The following NRXN3 variants were observed in gnomAD, a reference collection of about 807,000 sequenced individuals.
NRXN3 encodes neurexin 3, also known as neurexin III.
Under a neutral mutation model 137.6 loss-of-function variants are expected in NRXN3, and 32 were observed. The ratio of observed to expected loss-of-function variants is 0.23; its 90% CI spans 0.18 to 0.31. The LOEUF (loss-of-function observed/expected upper bound fraction) is 0.31, where lower values mean the gene tolerates loss of function less well. NRXN3 is among the 10% of genes least tolerant of loss of function. The pLI, the probability that NRXN3 is intolerant of heterozygous loss-of-function variation, is 1.00. For missense variants in NRXN3, 1,574 were observed against 2,062.5 expected, an observed-to-expected ratio of 0.76 and a Z score of 4.59; for synonymous variants, 798 against 784.5, an observed-to-expected ratio of 1.02 and a Z score of -0.29.
At chr14:78,575,363 G>A (rs1600716331) in intron 4 of NRXN3, among the ~76,000 whole-genome samples, 1 of 152,084 alleles carries the variant, frequency 6.6e-6, no homozygotes. Context: ...ATCTGAAAGG[G>A]GTGACCAAAA....
intron 2 of NRXN3, among the ~76,000 whole-genome samples, chr14:78,249,110 C>G (rs2068180021): frequency 6.6e-6 from 1 of 152,216 alleles, no homozygotes; most frequent in Non-Finnish European, 1.5e-5. Flanking sequence ...AAATCTCCCC[C>G]CTCCCCTAAC....
At chr14:79,437,004 A>G (rs1217148105) in intron 15 of NRXN3, among the ~76,000 whole-genome samples, 2 of 152,090 alleles carry the variant, frequency 1.3e-5, no homozygotes, top group South Asian at 2.1e-4. Flanking sequence ...CCCCCTGTGT[A>G]AAAACCTTTT....
intron 20 of NRXN3, among the ~76,000 whole-genome samples, chr14:79,822,634 G>A (rs937065193): frequency 6.6e-6 from 1 of 151,962 alleles, no homozygotes; most frequent in Admixed American, 6.6e-5. Context: ...AAGACTGAAG[G>A]CCTTTTTACA....
At chr14:79,032,393 C>A (rs2099609644) in intron 15 of NRXN3, among the ~76,000 whole-genome samples, 1 of 152,110 alleles carries the variant, frequency 6.6e-6, no homozygotes, top group South Asian at 2.1e-4. Context: ...AAGCTCTCAG[C>A]TGATTAGGAA....
chr14:79,597,471 T>G (rs1371380164), intron 16 of NRXN3, among the ~76,000 whole-genome samples: 1 of 152,226 alleles, frequency 6.6e-6, no homozygotes, highest in East Asian at 1.9e-4. Context: ...GTTAGGTGGT[T>G]GCTTTTTAGT....
intron 8 of NRXN3, among the ~76,000 whole-genome samples, chr14:78,737,326 C>A (rs2098545484): frequency 6.6e-6 from 1 of 152,102 alleles, no homozygotes; most frequent in Non-Finnish European, 1.5e-5. Context: ...CAGTAGGGGT[C>A]CAAACACAGT....
At chr14:79,423,713 G>T (rs1214304394) in intron 15 of NRXN3, among the ~76,000 whole-genome samples, 1 of 152,140 alleles carries the variant, frequency 6.6e-6, no homozygotes, top group Non-Finnish European at 1.5e-5. Context: ...ACTGCTTTCT[G>T]GTAGAATTCA....
chr14:79,156,430 A>C (rs1354730967), intron 15 of NRXN3, among the ~76,000 whole-genome samples: 4 of 151,898 alleles, frequency 2.6e-5, no homozygotes, highest in Non-Finnish European at 5.9e-5. Context: ...TAAGAGTGAC[A>C]ATCAGAAACT....
chr14:79,551,348 A>C (rs779851586), intron 16 of NRXN3, among the ~76,000 whole-genome samples: 53 of 152,292 alleles, frequency 3.5e-4, no homozygotes, highest in Non-Finnish European at 5.7e-4. Context: ...CAAAACATGG[A>C]AATAGTAAAA....
At position 78,660,354 on chromosome 14, in the gene NRXN3, A is replaced by T. The variant is rs543898986; in HGVS notation, c.1221+9028A>T. Reference sequence around the variant, plus strand: ...TATTCCCCTCATTCTCAATCCAATGATTCAGTGGCACCTGCTCCACTCCCA... The same window carrying T: ...TATTCCCCTCATTCTCAATCCAATGTTTCAGTGGCACCTGCTCCACTCCCA... On this transcript the variant is annotated intron_variant, in intron 6 of 20. Coordinates refer to ENST00000335750, the MANE Select transcript of NRXN3 (RefSeq NM_001330195.2). Among the ~76,000 whole-genome samples the T allele has an allele frequency of 2.0e-5, 3 of 151,600 alleles. No individual in the cohort carries two copies. The South Asian group carries it at 6.3e-4, about 32-fold the overall frequency.
intron 16 of NRXN3, among the ~76,000 whole-genome samples, chr14:79,530,111 G>A (rs987483406): frequency 2.0e-5 from 3 of 152,122 alleles, no homozygotes; most frequent in African/African-American, 7.2e-5. Flanking sequence ...GGAGGTCCCT[G>A]AGTTAGTTTT....
At chr14:79,400,685 C>T (rs997342656) in intron 15 of NRXN3, among the ~76,000 whole-genome samples, 9 of 152,086 alleles carry the variant, frequency 5.9e-5, no homozygotes, top group Non-Finnish European at 1.2e-4. Flanking sequence ...CCCATTGTTC[C>T]AGATCTATAT....
chr14:78,192,652 G>A (rs1187170662), intron 1 of NRXN3, among the ~76,000 whole-genome samples: 1 of 152,104 alleles, frequency 6.6e-6, no homozygotes, highest in Non-Finnish European at 1.5e-5. Flanking sequence ...GGAGAGATCA[G>A]TGTGAAGAAG....
At chr14:78,849,170 C>T (rs572738852) in intron 10 of NRXN3, among the ~76,000 whole-genome samples, 2 of 152,234 alleles carry the variant, frequency 1.3e-5, no homozygotes, top group African/African-American at 2.4e-5. Flanking sequence ...AATCGTAGTT[C>T]TGACACTTCT....
intron 16 of NRXN3, among the ~76,000 whole-genome samples, chr14:79,503,018 T>C (rs553824195): frequency 6.6e-6 from 1 of 152,144 alleles, no homozygotes; most frequent in Non-Finnish European, 1.5e-5. Flanking sequence ...TCAGGGGTTA[T>C]GGTGGCTTGG....
At chr14:79,118,934 C>T (rs551508020) in intron 15 of NRXN3, among the ~76,000 whole-genome samples, 4 of 152,202 alleles carry the variant, frequency 2.6e-5, no homozygotes, top group South Asian at 2.1e-4. Flanking sequence ...AATTTATTAG[C>T]GGATTCTTTC....
chr14:78,683,625 T>A (rs1449698734), intron 6 of NRXN3, among the ~76,000 whole-genome samples: 1 of 152,204 alleles, frequency 6.6e-6, no homozygotes, highest in African/African-American at 2.4e-5. Flanking sequence ...GGAGCAAGAT[T>A]CCGCAGATTG....
intron 4 of NRXN3, among the ~76,000 whole-genome samples, chr14:78,382,436 T>C (rs2089291269): frequency 6.6e-6 from 1 of 152,196 alleles, no homozygotes; most frequent in Non-Finnish European, 1.5e-5. Flanking sequence ...ACCTTTCTTG[T>C]TTCCAAGAAC....
intron 10 of NRXN3, among the ~76,000 whole-genome samples, chr14:78,825,625 G>A (rs55821066): frequency 0.037 from 5,594 of 152,270 alleles, 271 homozygotes; most frequent in African/African-American, 0.11. Context: ...ATTTGAACTC[G>A]TAACAATGGA....
Sources: gnomAD v4.1 joint callset for allele counts (sites outside exome capture counted in the v4.1 genomes callset) on GRCh38, gnomAD v4.1.1 for gene constraint, MANE v1.5 for transcripts, NCBI Gene and HGNC (gene_info 2026-07-23, HGNC 2026-07-21) for gene names.